The following SCAPER variants were observed in gnomAD, a reference collection of about 807,000 sequenced individuals.
The protein encoded by SCAPER is S phase cyclin A-associated protein in the endoplasmic reticulum.
Under a neutral mutation model 182.2 loss-of-function variants are expected in SCAPER, and 98 were observed. The observed-to-expected ratio is 0.54, with a 90% confidence interval of 0.46 to 0.64. The LOEUF is 0.64. Ranked by LOEUF, SCAPER falls within the 30% of genes least tolerant of loss-of-function variation. The pLI is 0.00. For missense variants in SCAPER, 1,432 were observed against 1,690.0 expected, an observed-to-expected ratio of 0.85 and a Z score of 2.68; for synonymous variants, 605 against 564.6, an observed-to-expected ratio of 1.07 and a Z score of -1.01.
chr15:76,857,855 C>T lies in SCAPER; in HGVS notation c.149G>A (p.Gly50Glu). 1 of 1,546,012 alleles carries T rather than the reference C, an allele frequency of 6.5e-7. No individual in the cohort carries two copies. Among genetic ancestry groups the T allele is most frequent in the Non-Finnish European group, 8.7e-7 (1 of 1,144,322 alleles). ...DDGKPKCQTG[G>E]KSKRTIQGTH... Reference sequence around the variant, plus strand: ...GCCTTGAATGGTCCTCTTAGATTTTCCACCAGTTTGACATTTAGGTTTTCC... The same window carrying T: ...GCCTTGAATGGTCCTCTTAGATTTTTCACCAGTTTGACATTTAGGTTTTCC... The change falls in exon 4 of 32, where the codon GGA becomes GAA. Residue 50 changes from glycine (G) to glutamate (E), a missense_variant. Physicochemically the swap from Gly to Glu is moderately conservative, Grantham distance 98. Coordinates refer to ENST00000563290, the MANE Select transcript of SCAPER (RefSeq NM_020843.4).
At chr15:76,435,762 G>T (rs2047159495) in intron 25 of SCAPER, among the ~76,000 whole-genome samples, 1 of 152,096 alleles carries the variant, frequency 6.6e-6, no homozygotes, top group Admixed American at 6.5e-5. Context: ...TAGGATTCTT[G>T]GTTGGAACCC....
At chr15:76,815,817 G>T (rs879542747) in intron 5 of SCAPER, among the ~76,000 whole-genome samples, 3 of 152,120 alleles carry the variant, frequency 2.0e-5, no homozygotes, top group Admixed American at 6.5e-5. Context: ...CTGCCACACC[G>T]ACCCCAGTCC....
intron 23 of SCAPER, among the ~76,000 whole-genome samples, chr15:76,543,214 T>A (rs532454596): frequency 2.0e-5 from 3 of 152,308 alleles, no homozygotes; most frequent in South Asian, 4.1e-4. Context: ...CATTCGCAAC[T>A]ATATGAATTA....
At position 76,757,008 on chromosome 15, in the gene SCAPER, T is replaced by C. The variant is rs1426178116; in HGVS notation, c.1726-3060A>G. The stretch of plus-strand genomic sequence containing the variant: ...CACAGACTCTCTTCTGTAAATATAA[T>C]TAGTGCCCCACCCACTTACCCAAAC... On this transcript the variant is annotated intron_variant, in intron 14 of 31. Coordinates refer to ENST00000563290, the MANE Select transcript of SCAPER (RefSeq NM_020843.4). Among the ~76,000 whole-genome samples, 4 of 6,404 alleles carry C rather than the reference T, an allele frequency of 6.2e-4. No individual in the cohort carries two copies. The Non-Finnish European group carries it at 0.011, about 17-fold the overall frequency. 4.2% of individuals were successfully genotyped at this position (6,404 alleles called of 152,430 possible).
chr15:76,379,558 G>A lies in SCAPER; in HGVS notation c.3705+1820C>T, dbSNP rs181451047. 9.1e-4 allele frequency among the ~76,000 whole-genome samples: 139 copies of A among 151,960 alleles called. 2 individuals are homozygous for A. Among genetic ancestry groups the A allele is most frequent in the African/African-American group, 3.2e-3 (134 of 41,420 alleles). On this transcript the variant is annotated intron_variant, in intron 28 of 31. Coordinates refer to ENST00000563290, the MANE Select transcript of SCAPER (RefSeq NM_020843.4). Reference sequence around the variant, plus strand: ...CTCTGGTTTTATTCCTGCTGTTTTCGGCAAAAGTGGCTCAAGTAGGGGATA... The same window carrying A: ...CTCTGGTTTTATTCCTGCTGTTTTCAGCAAAAGTGGCTCAAGTAGGGGATA...
At chr15:76,610,818 T>G (rs1867196) in intron 22 of SCAPER, among the ~76,000 whole-genome samples, 148,102 of 152,298 alleles carry the variant, frequency 0.97, 72,126 homozygotes, top group South Asian at 1. Context: ...TGGATTGGAA[T>G]AATATTGTTA....
intron 15 of SCAPER, among the ~76,000 whole-genome samples, chr15:76,739,039 T>A (rs2061421314): frequency 6.6e-6 from 1 of 152,186 alleles, no homozygotes; most frequent in South Asian, 2.1e-4. Context: ...CCCTAAATAA[T>A]ACAGTAGAAT....
intron 25 of SCAPER, among the ~76,000 whole-genome samples, chr15:76,460,012 C>G (rs2049035703): frequency 6.6e-6 from 1 of 152,114 alleles, no homozygotes; most frequent in Admixed American, 6.5e-5. Flanking sequence ...GTTCTCTTTT[C>G]TCTTCCATCG....
At chr15:76,685,368 A>G (rs1428746116) in intron 20 of SCAPER, among the ~76,000 whole-genome samples, 2 of 152,088 alleles carry the variant, frequency 1.3e-5, no homozygotes, top group Non-Finnish European at 2.9e-5. Flanking sequence ...CAAATACACA[A>G]TACAACCTTA....
At chr15:76,853,375 G>A (rs961192430) in intron 4 of SCAPER, among the ~76,000 whole-genome samples, 8 of 151,920 alleles carry the variant, frequency 5.3e-5, no homozygotes, top group African/African-American at 1.9e-4. Context: ...GACACAACAC[G>A]AAAAGAAACT....
chr15:76,751,480 C>T (rs1033045978), intron 15 of SCAPER, among the ~76,000 whole-genome samples: 1 of 151,624 alleles, frequency 6.6e-6, no homozygotes, highest in African/African-American at 2.4e-5. Context: ...TCAAAACTTA[C>T]AACAAAACTA....
At chr15:76,799,064 C>A (rs1488225910) in intron 7 of SCAPER, among the ~76,000 whole-genome samples, 1 of 152,106 alleles carries the variant, frequency 6.6e-6, no homozygotes, top group Admixed American at 6.5e-5. Context: ...TGGCAAAAAA[C>A]AGTAATTTTA....
intron 21 of SCAPER, among the ~76,000 whole-genome samples, chr15:76,641,032 A>G (rs1178879661): frequency 6.6e-6 from 1 of 152,172 alleles, no homozygotes; most frequent in East Asian, 1.9e-4. Context: ...AGATAGGGCT[A>G]TAAACACCCT....
At chr15:76,654,861 A>G (rs148713680) in intron 21 of SCAPER, among the ~76,000 whole-genome samples, 41 of 152,342 alleles carry the variant, frequency 2.7e-4, no homozygotes, top group African/African-American at 8.9e-4. Flanking sequence ...TCCACTTCAT[A>G]CCATGATCAA....
intron 23 of SCAPER, among the ~76,000 whole-genome samples, chr15:76,549,789 C>T (rs2045605465): frequency 6.6e-6 from 1 of 151,978 alleles, no homozygotes; most frequent in African/African-American, 2.4e-5. Flanking sequence ...ACCCCTATCT[C>T]TCATCATATA....
chr15:76,536,304 G>A (rs1052684166), intron 23 of SCAPER, among the ~76,000 whole-genome samples: 3 of 151,834 alleles, frequency 2.0e-5, no homozygotes, highest in Admixed American at 6.6e-5. Context: ...ATCCAGTCTG[G>A]GCAACATAGA....
At chr15:76,463,244 G>A (rs1256626025) in intron 25 of SCAPER, among the ~76,000 whole-genome samples, 1 of 152,122 alleles carries the variant, frequency 6.6e-6, no homozygotes. Context: ...AGGGATTTTT[G>A]CTCCCATGTA....
chr15:76,690,968 T>C (rs2058321596), intron 20 of SCAPER, among the ~76,000 whole-genome samples: 1 of 152,028 alleles, frequency 6.6e-6, no homozygotes, highest in Non-Finnish European at 1.5e-5. Context: ...TCCACTGGAA[T>C]CAAAAGCAAG....
chr15:76,712,035 T>A (rs184133602), intron 17 of SCAPER, among the ~76,000 whole-genome samples: 1 of 152,222 alleles, frequency 6.6e-6, no homozygotes, highest in South Asian at 2.1e-4. Flanking sequence ...TGAATGGTAA[T>A]GCCTAGGTTT....
Sources: allele counts gnomAD v4.1 joint callset (sites outside exome capture counted in the v4.1 genomes callset), GRCh38; gene constraint gnomAD v4.1.1; transcripts MANE v1.5; gene names NCBI Gene and HGNC (gene_info 2026-07-23, HGNC 2026-07-21).